The following ATG9B variants were observed in gnomAD, a reference collection of about 807,000 sequenced individuals.
The protein encoded by ATG9B is autophagy related 9B.
ATG9B carries 92 observed loss-of-function variants against 92.9 expected under a neutral mutation model. The observed-to-expected ratio is 0.99, with a 90% CI of 0.84 to 1.18. The LOEUF is 1.18. Among genes scored for constraint, ATG9B ranks in the 50% most tolerant of loss-of-function variants. The probability of loss-of-function intolerance (pLI) is 0.00; values close to 1 mark genes in which losing one functional copy is unlikely to be tolerated. For missense variants in ATG9B, 1,344 were observed against 1,235.0 expected (o/e 1.09, Z -1.32); for synonymous variants, 599 against 551.4 (o/e 1.09, Z -1.21).
chr7:151,012,424 C>G (rs915983885), downstream of ATG9B: 1 of 1,610,004 alleles, frequency 6.2e-7, no homozygotes, highest in Non-Finnish European at 8.5e-7. Flanking sequence ...TGGCATTGCC[C>G]CCTTCCGGGG....
Position 151,017,135 on chromosome 7 carries a change from G to A in ATG9B, c.2190C>T (p.His730=). Residue 730 remains histidine (H), a synonymous_variant, in exon 9 of 14, where the codon CAC becomes CAT. Coordinates refer to ENST00000639579, the MANE Select transcript of ATG9B (RefSeq NM_001317056.2). ...PPGHSSKFLG[H]LWGRVQQDAA... is the part of the protein sequence containing the mutation. Reference sequence around the variant, plus strand: ...CATCTTGTTGTACTCGGCCCCAGAGGTGCCCAAGAAACTTAGAGCTGTGCC... The same window carrying A: ...CATCTTGTTGTACTCGGCCCCAGAGATGCCCAAGAAACTTAGAGCTGTGCC... 6.2e-7 allele frequency: 1 copy of A among 1,612,892 alleles called. No individual in the cohort carries two copies. The highest frequency in any genetic ancestry group is 8.5e-7 in the Non-Finnish European group (1 of 1,179,770).
Position 151,018,570 on chromosome 7 carries a change from A to G in ATG9B, c.1718+50T>C, listed in dbSNP as rs775036105. 2.8e-5 allele frequency: 44 copies of G among 1,566,544 alleles called. No individual in the cohort carries two copies. The highest frequency in any genetic ancestry group is 3.6e-5 in the Non-Finnish European group (42 of 1,161,756). ...TTCGGGGGGAACCTCACATGGCCCC[A>G]GATCAGAGAAACCAACACACACCAC... On this transcript the variant is annotated intron_variant, in intron 6 of 13. Coordinates refer to ENST00000639579, the MANE Select transcript of ATG9B (RefSeq NM_001317056.2). The surrounding 1 kb of genome is among the most constrained non-coding windows in gnomAD (Gnocchi z 4.7).
chr7:151,023,379 G>T, intron 3 of ATG9B, 66 bp downstream of exon 3: 1 of 1,603,274 alleles, frequency 6.2e-7, no homozygotes, highest in Non-Finnish European at 8.5e-7. Context: ...AATTAAGGAA[G>T]CAAAATGACA....
chr7:151,016,586 G>A, intron 10 of ATG9B, 59 bp from the exon 11 acceptor site: 1 of 1,545,216 alleles, frequency 6.5e-7, no homozygotes, highest in African/African-American at 1.4e-5. Context: ...CACCCCAGAG[G>A]ACTCCCCTTC....
chr7:151,013,095 A>C, downstream of ATG9B: 1 of 918,540 alleles, frequency 1.1e-6, no homozygotes, highest in Non-Finnish European at 1.7e-6. Context: ...ACTCTCTTAG[A>C]GATGAAACAG....
chr7:151,013,855 C>A (rs1329167898), downstream of ATG9B: 6 of 1,604,674 alleles, frequency 3.7e-6, no homozygotes, highest in Non-Finnish European at 5.1e-6. Flanking sequence ...CCGTGCAGCG[C>A]ATCCTGGCGA....
At chr7:151,023,304 C>G in intron 3 of ATG9B, 98 bp from the exon 4 acceptor site, 1 of 1,599,632 alleles carries the variant, frequency 6.3e-7, no homozygotes, top group African/African-American at 1.3e-5. Context: ...GGTTATCCTC[C>G]CTGACCCTGC....
At position 151,016,713 on chromosome 7, in the gene ATG9B, T is replaced by C; in HGVS notation, c.2398A>G (p.Ile800Val). 1 of 1,605,950 alleles carries C rather than the reference T, an allele frequency of 6.2e-7. No individual in the cohort carries two copies. Among genetic ancestry groups the C allele is most frequent in the South Asian group, 1.1e-5 (1 of 89,966 alleles). The change falls in exon 10 of 14, where the codon ATT becomes GTT. Residue 800 changes from isoleucine (I) to valine (V), a missense_variant. Ile to Val is a conservative substitution (Grantham distance 29). Coordinates refer to ENST00000639579, the MANE Select transcript of ATG9B (RefSeq NM_001317056.2). Reference protein sequence around the residue: ...AAATASLLASISRIAQDPSSV... With the variant: ...AAATASLLASVSRIAQDPSSV... ...CTGGGGTCCTGGGCAATTCGGGAAA[T>C]GGAGGCAAGGAGGCTGGCTGTGGCC...
chr7:151,013,317 C>G, downstream of ATG9B: 1 of 1,614,102 alleles, frequency 6.2e-7, no homozygotes, highest in Non-Finnish European at 8.5e-7. Flanking sequence ...GCAGAACGCC[C>G]AGCAGCGCGG....
rs3918239 is a variant in ATG9B, at chr7:151,015,878, T to C, written c.*14+4A>G. ...TCCCTCCCCTCACAGGAGGCAATACTGACCCTGAGGAGTCGTCTCAGTCAG... is the reference window on the plus strand; with the variant it reads ...TCCCTCCCCTCACAGGAGGCAATACCGACCCTGAGGAGTCGTCTCAGTCAG... On this transcript the variant is annotated splice_donor_region_variant and intron_variant, in intron 13 of 13. Coordinates refer to ENST00000639579, the MANE Select transcript of ATG9B (RefSeq NM_001317056.2). 8.1e-3 allele frequency: 12,571 copies of C among 1,549,702 alleles called. 50 individuals carry two copies. Among genetic ancestry groups the C allele is most frequent in the Non-Finnish European group, 9.4e-3 (10,717 of 1,146,122 alleles).
rs752639642 is a variant in ATG9B at position 151,021,352 on chromosome 7, T to G, written c.822-23A>C. 3.2e-6 allele frequency: 5 copies of G among 1,557,012 alleles called. No individual in the cohort carries two copies. The African/African-American group carries it at 5.5e-5, about 17-fold the overall frequency. ...ATCCTGTATGGGGTTGGGCGGGCAG[T>G]GGGGGAGAAAGGTGGGCGCCTGAGA... On this transcript the variant is annotated intron_variant, in intron 4 of 13. Coordinates refer to ENST00000639579, the MANE Select transcript of ATG9B (RefSeq NM_001317056.2).
Position 151,018,077 on chromosome 7 carries a change from A to G in ATG9B, c.1873-27T>C. The G allele has an allele frequency of 6.4e-7, 1 of 1,551,944 alleles. No individual in the cohort carries two copies. Among genetic ancestry groups the G allele is most frequent in the East Asian group, 2.4e-5 (1 of 42,044 alleles). ...TGGGGAAGCAGCGGTGAGGCTGAGC[A>G]GGGGTCGCTGAGGGGCCCACGCGCG... On this transcript the variant is annotated intron_variant, in intron 7 of 13. Coordinates refer to ENST00000639579, the MANE Select transcript of ATG9B (RefSeq NM_001317056.2). The surrounding 1 kb of genome is among the most constrained non-coding windows in gnomAD (Gnocchi z 4.7).
Position 151,016,140 on chromosome 7 carries a change from A to G in ATG9B, c.2616T>C (p.Pro872=). Reference sequence around the variant, plus strand: ...TTGACCAGGATGGCTTCTCCTCATCAGGCGAGGGTGGCTGTGAGGGGCTGG... The same window carrying G: ...TTGACCAGGATGGCTTCTCCTCATCGGGCGAGGGTGGCTGTGAGGGGCTGG... ...PCSSPSQPPS[P]DEEKPSWSSD... The change falls in exon 12 of 14, where the codon CCT becomes CCC. Residue 872 remains proline (P), a synonymous_variant. Transcript: ENST00000639579. The G allele has an allele frequency of 6.5e-7, 1 of 1,540,370 alleles. No homozygotes were observed.
chr7:151,016,343 C>G (rs1462804276), intron 11 of ATG9B, 88 bp downstream of exon 11: 1 of 1,509,346 alleles, frequency 6.6e-7, no homozygotes, highest in Non-Finnish European at 8.9e-7. Context: ...CTCTGCTAGA[C>G]CCTTCCGTAG....
intron 4 of ATG9B, 126 bp from the exon 5 acceptor site, chr7:151,021,455 G>T (rs1407327208): frequency 7.5e-7 from 1 of 1,337,796 alleles, no homozygotes; most frequent in Non-Finnish European, 9.9e-7. Flanking sequence ...AGCTCTCAAG[G>T]TAGAGCCCGG....
At position 151,023,134 on chromosome 7, in the gene ATG9B, G is replaced by C; in HGVS notation, c.732C>G (p.Asn244Lys). Reference protein sequence around the residue: ...RCVDYNVLFANQPSNHTRPGP... With the variant: ...RCVDYNVLFAKQPSNHTRPGP... ...CAGGTCTGGTATGGTTACTTGGTTG[G>C]TTGGCAAAGAGAACATTGTAATCCA... is the stretch of plus-strand genomic sequence containing the variant. Residue 244 changes from asparagine to lysine, a missense_variant, in exon 4 of 14, where the codon AAC (asparagine) becomes AAG (lysine). Transcript: ENST00000639579. 6.2e-7 allele frequency: 1 copy of C among 1,614,174 alleles called. No homozygotes were observed. Among genetic ancestry groups the C allele is most frequent in the Non-Finnish European group, 8.5e-7 (1 of 1,180,028 alleles).
At chr7:151,016,904 A>G (rs944820049) in intron 9 of ATG9B, 83 bp from the exon 10 acceptor site, 221 of 1,531,926 alleles carry the variant, frequency 1.4e-4, no homozygotes, top group Admixed American at 7.6e-5. Context: ...AGAGGCCTAA[A>G]GAAGGCAGGA....
intron 3 of ATG9B, 108 bp from the exon 4 acceptor site, chr7:151,023,314 C>G (rs540669051): frequency 1.3e-6 from 2 of 1,597,918 alleles, no homozygotes; most frequent in Non-Finnish European, 1.7e-6. Context: ...CCTGACCCTG[C>G]CCCTGCTGAG....
In ATG9B at chr7:151,016,218, C is replaced by A; in HGVS notation, c.2538G>T (p.Gln846His). Residue 846 changes from glutamine (Q) to histidine (H), a missense_variant, in exon 12 of 14, where the codon CAG becomes CAT. Coordinates refer to ENST00000639579, the MANE Select transcript of ATG9B (RefSeq NM_001317056.2). ...IYLHQLHQQQQQQEPWGEAAA... is the reference protein window; with the variant it reads ...IYLHQLHQQQHQQEPWGEAAA... ...CAGCCTCACCCCACGGCTCCTGCTG[C>A]TGCTGCTGCTGGTGAAGCTGCATGG... 6.7e-7 allele frequency: 1 copy of A among 1,494,990 alleles called. No individual in the cohort carries two copies. The allele number at this position is 1,494,990 out of a possible 1,614,324, so 92.6% of individuals were successfully genotyped here. A position where few individuals can be genotyped will look rare whatever the true frequency, so the allele number is the denominator to read the frequency against.
Sources: allele counts gnomAD v4.1 joint callset, GRCh38; gene constraint gnomAD v4.1.1; non-coding constraint Gnocchi (gnomAD v3.1); transcripts MANE v1.5; gene names NCBI Gene and HGNC (gene_info 2026-07-23, HGNC 2026-07-21).